Variants in TSPAN18 observed in about 807,000 individuals in gnomAD.
TSPAN18 encodes tetraspanin 18, also known as tetraspanin-18.
TSPAN18 carries 14 observed loss-of-function variants against 27.3 expected under a neutral mutation model. The observed-to-expected ratio is 0.51, with a 90% CI of 0.34 to 0.80. The LOEUF is 0.80. Ranked by LOEUF, TSPAN18 falls within the 30% of genes least tolerant of loss-of-function variation. TSPAN18 has a pLI of 0.01. For synonymous variants in TSPAN18, 143 were observed against 136.5 expected (o/e 1.05, Z -0.33); for missense variants, 268 against 323.9 (o/e 0.83, Z 1.32).
At chr11:44,738,370 C>T (rs1271290075) in intron 1 of TSPAN18, among the ~76,000 whole-genome samples, 5 of 152,160 alleles carry the variant, frequency 3.3e-5, no homozygotes, top group African/African-American at 4.8e-5. Flanking sequence ...TGGAGCCCCC[C>T]CGGCTGGAGC....
At chr11:44,815,054 G>A (rs890834338) in intron 2 of TSPAN18, among the ~76,000 whole-genome samples, 11 of 152,298 alleles carry the variant, frequency 7.2e-5, no homozygotes, top group Admixed American at 4.6e-4. Context: ...GGTGCTTGGC[G>A]TGGGAGCATG....
chr11:44,876,001 C>G (rs962022396), intron 3 of TSPAN18, among the ~76,000 whole-genome samples: 8 of 152,196 alleles, frequency 5.3e-5, no homozygotes, highest in Non-Finnish European at 8.8e-5. Flanking sequence ...GGAGCCAGGC[C>G]TCCAACCAAC....
chr11:44,850,196 G>A (rs948167283), intron 2 of TSPAN18, among the ~76,000 whole-genome samples: 1 of 152,166 alleles, frequency 6.6e-6, no homozygotes, highest in Admixed American at 6.5e-5. Flanking sequence ...GCTTGTCCCC[G>A]ACATGGCTGA....
chr11:44,735,680 G>T (rs1227477661), intron 1 of TSPAN18, among the ~76,000 whole-genome samples: 1 of 150,930 alleles, frequency 6.6e-6, no homozygotes, highest in Non-Finnish European at 1.5e-5. Flanking sequence ...GCGCAGTGGC[G>T]ATCTCTGCTC....
chr11:44,840,021 C>T (rs545989208), intron 2 of TSPAN18, among the ~76,000 whole-genome samples: 6 of 152,220 alleles, frequency 3.9e-5, no homozygotes, highest in Non-Finnish European at 7.3e-5. Context: ...CTCATGGCTA[C>T]GTCAGGAGTG....
chr11:44,841,614 G>A (rs1382680418), intron 2 of TSPAN18, among the ~76,000 whole-genome samples: 1 of 152,194 alleles, frequency 6.6e-6, no homozygotes, highest in Non-Finnish European at 1.5e-5. Context: ...AGTCAGGAAA[G>A]GCCTTTATGG....
chr11:44,915,851 G>T lies in TSPAN18; in HGVS notation c.259-2121G>T, dbSNP rs116544116. 2.0e-5 allele frequency among the ~76,000 whole-genome samples: 3 copies of T among 152,194 alleles called. No individual in the cohort carries two copies. In the South Asian group the frequency reaches 6.2e-4, roughly 32 times the overall value. On this transcript the variant is annotated intron_variant, in intron 5 of 9. Transcript: ENST00000520358. The stretch of plus-strand genomic sequence containing the variant: ...GGGGAAACTACACAAAAAAGAGACC[G>T]TGAGAACAGCGTCCGGTGCCCGGCG...
intron 2 of TSPAN18, among the ~76,000 whole-genome samples, chr11:44,771,852 G>A (rs547802377): frequency 1.3e-4 from 20 of 152,264 alleles, no homozygotes; most frequent in Admixed American, 7.2e-4. Context: ...TATCAAAGAC[G>A]GTCCTAGAAG....
At chr11:44,774,405 T>C (rs144596296) in intron 2 of TSPAN18, among the ~76,000 whole-genome samples, 1,968 of 152,330 alleles carry the variant, frequency 0.013, 52 homozygotes, top group African/African-American at 0.045. Flanking sequence ...GAGGAAGTGA[T>C]GGCAGGTGGC....
chr11:44,787,092 C>T (rs1856076867), intron 2 of TSPAN18, among the ~76,000 whole-genome samples: 1 of 152,112 alleles, frequency 6.6e-6, no homozygotes, highest in Non-Finnish European at 1.5e-5. Context: ...GACGGAGACA[C>T]AATATAAATA....
At chr11:44,747,958 G>A in intron 1 of TSPAN18, among the ~76,000 whole-genome samples, 1 of 152,166 alleles carries the variant, frequency 6.6e-6, no homozygotes, top group African/African-American at 2.4e-5. Context: ...TCCCTCACCT[G>A]CAGCAGAGCT....
Position 44,776,480 on chromosome 11 carries a change from T to C in TSPAN18, c.-153+11968T>C, listed in dbSNP as rs553985259. On this transcript the variant is annotated intron_variant, in intron 2 of 9. Transcript: ENST00000520358. ...CTACTGCTGGGGTTAAGGGTGAGGATGTGGGTGGGCTGCAGACCACAGCCG... is the reference window on the plus strand; with the variant it reads ...CTACTGCTGGGGTTAAGGGTGAGGACGTGGGTGGGCTGCAGACCACAGCCG... Among the ~76,000 whole-genome samples the C allele has an allele frequency of 1.1e-4, 16 of 152,274 alleles. No homozygotes were observed. In the South Asian group the frequency reaches 2.5e-3, roughly 24 times the overall value.
At chr11:44,895,392 C>T (rs895380574) in intron 3 of TSPAN18, among the ~76,000 whole-genome samples, 11 of 152,170 alleles carry the variant, frequency 7.2e-5, no homozygotes, top group African/African-American at 2.2e-4. Context: ...CCAAGGAGAA[C>T]CTAGCACCTT....
At chr11:44,809,942 C>A (rs1275553700) in intron 2 of TSPAN18, among the ~76,000 whole-genome samples, 1 of 152,144 alleles carries the variant, frequency 6.6e-6, no homozygotes, top group Non-Finnish European at 1.5e-5. Flanking sequence ...CCCTGCAAAG[C>A]CCCATTTGAT....
chr11:44,840,596 GCA>G (rs1857353508), intron 2 of TSPAN18, among the ~76,000 whole-genome samples: 2 of 152,166 alleles, frequency 1.3e-5, no homozygotes, highest in African/African-American at 4.8e-5. Flanking sequence ...GAGAGGTGAG[GCA>G]CAGATTCCCA....
rs192076196 is a variant in TSPAN18 at position 44,833,194 on chromosome 11, C to T, written c.-152-27134C>T. On this transcript the variant is annotated intron_variant, in intron 2 of 9. Transcript: ENST00000520358. The stretch of plus-strand genomic sequence containing the variant: ...GACAGGGCAGGATCCTGGATGGACA[C>T]GTGAACCTGGGTTCAAATGCTAGCT... 5.9e-5 allele frequency among the ~76,000 whole-genome samples: 9 copies of T among 152,182 alleles called. No individual in the cohort carries two copies. The East Asian group carries it at 1.2e-3, about 20-fold the overall frequency.
intron 1 of TSPAN18, among the ~76,000 whole-genome samples, chr11:44,750,292 C>A (rs756844535): frequency 6.6e-6 from 1 of 152,182 alleles, no homozygotes; most frequent in Non-Finnish European, 1.5e-5. Flanking sequence ...TAGCAGCTGA[C>A]ATTTCTGAAT....
intron 2 of TSPAN18, among the ~76,000 whole-genome samples, chr11:44,794,300 CAT>C (rs1466369580): frequency 2.0e-5 from 3 of 152,168 alleles, no homozygotes; most frequent in Non-Finnish European, 4.4e-5. Context: ...GAGCTTCACA[CAT>C]GTGTGGTTGT....
At chr11:44,826,748 G>A (rs1043991685) in intron 2 of TSPAN18, among the ~76,000 whole-genome samples, 6 of 152,204 alleles carry the variant, frequency 3.9e-5, no homozygotes, top group Non-Finnish European at 8.8e-5. Flanking sequence ...GGATGTTTGT[G>A]TGCCCTTGTG....
Sources: gnomAD v4.1 joint callset for allele counts (sites outside exome capture counted in the v4.1 genomes callset) on GRCh38, gnomAD v4.1.1 for gene constraint, MANE v1.5 for transcripts, NCBI Gene and HGNC (gene_info 2026-07-23, HGNC 2026-07-21) for gene names.